The following GRHL2 variants were observed in gnomAD, a reference collection of about 807,000 sequenced individuals.
GRHL2 encodes the protein grainyhead-like protein 2 homolog.
Under a neutral mutation model 83.8 loss-of-function variants are expected in GRHL2, and 21 were observed. The observed-to-expected ratio is 0.25, with a 90% CI of 0.18 to 0.36. GRHL2 has a LOEUF of 0.36. Among genes scored for constraint, GRHL2 ranks in the 10% least tolerant of loss-of-function variants. The pLI, the probability that GRHL2 is intolerant of heterozygous loss-of-function variation, is 1.00. For missense variants in GRHL2, 623 were observed against 781.8 expected (o/e 0.80, Z 2.42); for synonymous variants, 280 against 278.9 (o/e 1.00, Z -0.04).
In GRHL2 at chr8:101,586,065, C is replaced by CTTTTTTTTTTTTTTTTTTTTT. The variant is rs67985027; in HGVS notation, c.1003+8551_1003+8571dup. 1.0e-3 allele frequency among the ~76,000 whole-genome samples: 97 copies of CTTTTTTTTTTTTTTTTTTTTT among 94,268 alleles called. 4 individuals are homozygous for CTTTTTTTTTTTTTTTTTTTTT. Among genetic ancestry groups the CTTTTTTTTTTTTTTTTTTTTT allele is most frequent in the African/African-American group, 1.3e-3 (31 of 23,290 alleles). The allele number at this position is 94,268 out of a possible 152,430, so 61.8% of individuals were successfully genotyped here. ...TCTTCTTTCCTTCCACCTCATGTTT[C>CTTTTTTTTTTTTTTTTTTTTT]TTTTTTTTTTTTTTTTTTTTTTTTT... On this transcript the variant is annotated intron_variant, in intron 7 of 15. Transcript: ENST00000646743.
intron 1 of GRHL2, among the ~76,000 whole-genome samples, chr8:101,532,620 T>C (rs191396039): frequency 0.012 from 1,760 of 152,028 alleles, 31 homozygotes; most frequent in African/African-American, 0.04. Context: ...CGTGGTGGCA[T>C]GCACCTGCAA....
At chr8:101,572,827 G>A (rs1319788934) in intron 5 of GRHL2, among the ~76,000 whole-genome samples, 1 of 152,102 alleles carries the variant, frequency 6.6e-6, no homozygotes, top group African/African-American at 2.4e-5. Context: ...AAAAATGTGA[G>A]GGACACTATT....
rs775404836 is a variant in GRHL2 at position 101,599,147 on chromosome 8, C to A, written c.1094C>A (p.Ala365Glu). Residue 365 changes from alanine to glutamate, a missense_variant, in exon 8 of 16, where the codon GCG (alanine) becomes GAG (glutamate). This residue lies in a region of GRHL2 where 96 missense variants were observed against 144.8 expected (regional missense o/e 0.66). Coordinates refer to ENST00000646743, the MANE Select transcript of GRHL2 (RefSeq NM_024915.4). ...VSFTWDVNEE[A>E]KIFITVNCLS... is the part of the protein sequence containing the mutation. ...TTTACCTGGGACGTGAATGAAGAGG[C>A]GAAGGTGAGTGACATTGATTCATTG... 3.1e-6 allele frequency: 5 copies of A among 1,593,520 alleles called. No homozygotes were observed. Among genetic ancestry groups the A allele is most frequent in the Non-Finnish European group, 4.3e-6 (5 of 1,161,358 alleles).
chr8:101,675,813 T>A, the GRHL2 span, among the ~76,000 whole-genome samples: 1 of 152,076 alleles, frequency 6.6e-6, no homozygotes, highest in African/African-American at 2.4e-5. Context: ...CAAACTATAC[T>A]ACAAGGCTAC....
chr8:101,509,505 T>C (rs1260646617), intron 1 of GRHL2, among the ~76,000 whole-genome samples: 1 of 152,066 alleles, frequency 6.6e-6, no homozygotes, highest in Non-Finnish European at 1.5e-5. Context: ...TTAAAACATG[T>C]AGGGCAATTA....
chr8:101,534,774 G>C (rs2130094470), intron 1 of GRHL2, among the ~76,000 whole-genome samples: 1 of 152,314 alleles, frequency 6.6e-6, no homozygotes, highest in South Asian at 2.1e-4. Context: ...AGAAAATGAG[G>C]AATCAAGTAT....
At chr8:101,559,351 T>TGCAAAAAA (rs1285229771) in intron 4 of GRHL2, among the ~76,000 whole-genome samples, 1,363 of 18,942 alleles carry the variant, frequency 0.072, 108 homozygotes, top group African/African-American at 0.14. Flanking sequence ...CTACTAAAAA[T>TGCAAAAAA]ACAAAAAAAA....
At chr8:101,605,295 C>T (rs1446832764) in intron 8 of GRHL2, among the ~76,000 whole-genome samples, 1 of 152,120 alleles carries the variant, frequency 6.6e-6, no homozygotes, top group Admixed American at 6.5e-5. Context: ...TAAATATTAC[C>T]TCTCAACATA....
At chr8:101,512,117 A>T (rs1810479330) in intron 1 of GRHL2, among the ~76,000 whole-genome samples, 1 of 151,562 alleles carries the variant, frequency 6.6e-6, no homozygotes, top group African/African-American at 2.4e-5. Context: ...CCATCTAATT[A>T]GTCTACTTTA....
chr8:101,495,672 T>C (rs1407490421), intron 1 of GRHL2, among the ~76,000 whole-genome samples: 1 of 152,160 alleles, frequency 6.6e-6, no homozygotes, highest in Non-Finnish European at 1.5e-5. Context: ...TATTTTCTGG[T>C]TACCTACTAT....
At chr8:101,636,261 T>C (rs1813283429) in intron 11 of GRHL2, among the ~76,000 whole-genome samples, 2 of 152,216 alleles carry the variant, frequency 1.3e-5, no homozygotes, top group South Asian at 4.1e-4. Flanking sequence ...ACCTAAAGTC[T>C]GTCTTTGGAG....
intron 7 of GRHL2, among the ~76,000 whole-genome samples, chr8:101,597,020 C>T (rs188977150): frequency 3.0e-4 from 45 of 152,198 alleles, no homozygotes; most frequent in East Asian, 2.1e-3. Flanking sequence ...AACTTAAAAG[C>T]GGTAGAAGAA....
At chr8:101,656,307 G>T (rs1488979417) in intron 14 of GRHL2, among the ~76,000 whole-genome samples, 1 of 152,182 alleles carries the variant, frequency 6.6e-6, no homozygotes, top group African/African-American at 2.4e-5. Flanking sequence ...TGTGGGTGGT[G>T]TGATCTTCAC....
chr8:101,648,482 C>T (rs766195403), intron 13 of GRHL2, among the ~76,000 whole-genome samples: 53 of 152,162 alleles, frequency 3.5e-4, no homozygotes, highest in Non-Finnish European at 6.3e-4. Context: ...GTGTGCAGGC[C>T]CTGGGCTAAG....
At chr8:101,595,207 T>C (rs1812367440) in intron 7 of GRHL2, among the ~76,000 whole-genome samples, 1 of 152,236 alleles carries the variant, frequency 6.6e-6, no homozygotes, top group Non-Finnish European at 1.5e-5. Flanking sequence ...GTGAAGGTGA[T>C]AGAAACTGAC....
chr8:101,608,769 A>G (rs937441947), intron 8 of GRHL2, among the ~76,000 whole-genome samples: 2 of 131,506 alleles, frequency 1.5e-5, no homozygotes, highest in Non-Finnish European at 3.4e-5. Flanking sequence ...ACACACACAC[A>G]CACACACACC....
At chr8:101,573,094 C>T (rs376429655) in intron 5 of GRHL2, among the ~76,000 whole-genome samples, 13 of 152,096 alleles carry the variant, frequency 8.5e-5, no homozygotes, top group African/African-American at 2.7e-4. Context: ...TGAGTTCTTC[C>T]GCAGGCTTGA....
intron 1 of GRHL2, among the ~76,000 whole-genome samples, chr8:101,522,848 A>C (rs1554582904): frequency 6.6e-6 from 1 of 150,860 alleles, no homozygotes; most frequent in South Asian, 2.1e-4. Context: ...TTTAACTTTA[A>C]TTTCTAAATA....
intron 14 of GRHL2, among the ~76,000 whole-genome samples, chr8:101,656,011 C>T (rs1813777292): frequency 6.6e-6 from 1 of 152,216 alleles, no homozygotes; most frequent in South Asian, 2.1e-4. Context: ...ATGGACAAGG[C>T]TCACTTCTTC....
Sources: gnomAD v4.1 joint callset for allele counts (sites outside exome capture counted in the v4.1 genomes callset) on GRCh38, gnomAD v4.1.1 for gene constraint, gnomAD v4.1.1 regional missense constraint, MANE v1.5 for transcripts, NCBI Gene and HGNC (gene_info 2026-07-23, HGNC 2026-07-21) for gene names.